Variants in GNG4 observed in about 807,000 individuals in gnomAD.
GNG4 encodes the protein G protein subunit gamma 4, also known as guanine nucleotide-binding protein G(I)/G(S)/G(O) subunit gamma-4.
A neutral mutation model predicts 5.8 loss-of-function variants in GNG4; 4 were observed. The observed-to-expected ratio is 0.69, with a 90% confidence interval of 0.34 to 1.57. The LOEUF (loss-of-function observed/expected upper bound fraction) is 1.57, where lower values mean the gene tolerates loss of function less well. Among genes scored for constraint, GNG4 ranks in the 40% most tolerant of loss-of-function variants. GNG4 has a pLI of 0.06. For synonymous variants in GNG4, 29 were observed against 32.9 expected, an observed-to-expected ratio of 0.88 and a Z score of 0.41; for missense variants, 96 against 95.1, an observed-to-expected ratio of 1.01 and a Z score of -0.04.
intron 1 of GNG4, among the ~76,000 whole-genome samples, chr1:235,632,569 T>C (rs1688954458): frequency 6.6e-6 from 1 of 152,262 alleles, no homozygotes; most frequent in South Asian, 2.1e-4. Context: ...GGAGACTTGC[T>C]TTTAATCCTA....
rs2102992997 is a variant in GNG4, at chr1:235,648,560, C to G, written c.-123+1102G>C. ...GGAGTTGCGGGAGGAATCGAGAAGC[C>G]GGCCGCAGAGCCCAGGTCCCCCATG... On this transcript the variant is annotated intron_variant, in intron 1 of 3. Coordinates refer to ENST00000391854, the MANE Select transcript of GNG4 (RefSeq NM_001098722.2). This position sits in a 1 kb window ranked among gnomAD's most constrained non-coding sequence, Gnocchi z 5.0. Among the ~76,000 whole-genome samples the G allele has an allele frequency of 6.6e-6, 1 of 152,344 alleles. No individual in the cohort carries two copies. Among genetic ancestry groups the G allele is most frequent in the South Asian group, 2.1e-4 (1 of 4,832 alleles).
intron 1 of GNG4, among the ~76,000 whole-genome samples, chr1:235,603,668 T>G (rs1161311486): frequency 6.6e-6 from 1 of 152,200 alleles, no homozygotes; most frequent in Non-Finnish European, 1.5e-5. Flanking sequence ...CCCGATAGCA[T>G]CCAGCTGGTC....
chr1:235,630,451 T>C (rs763857889), intron 1 of GNG4, among the ~76,000 whole-genome samples: 1 of 152,220 alleles, frequency 6.6e-6, no homozygotes, highest in African/African-American at 2.4e-5. Flanking sequence ...TCATCACTTA[T>C]CAGATGCCGT....
At chr1:235,574,763 T>G (rs1687433436) in intron 3 of GNG4, among the ~76,000 whole-genome samples, 1 of 152,166 alleles carries the variant, frequency 6.6e-6, no homozygotes, top group African/African-American at 2.4e-5. Context: ...TCTCTACATT[T>G]TTCTTAGTTT....
chr1:235,642,470 C>T lies in GNG4; in HGVS notation c.-123+7192G>A, dbSNP rs1408663155. 1.3e-5 allele frequency among the ~76,000 whole-genome samples: 2 copies of T among 152,170 alleles called. No homozygotes were observed. Among genetic ancestry groups the T allele is most frequent in the Non-Finnish European group, 2.9e-5 (2 of 68,032 alleles). ...GGTGCTAACAGCGTCCGAGCCAATC[C>T]GTAAGCATCAGAGGGACAAAGAAAT... is the stretch of plus-strand genomic sequence containing the variant. On this transcript the variant is annotated intron_variant, in intron 1 of 3. Coordinates refer to ENST00000391854, the MANE Select transcript of GNG4 (RefSeq NM_001098722.2). This position sits in a 1 kb window ranked among gnomAD's most constrained non-coding sequence, Gnocchi z 4.3.
At chr1:235,565,483 T>A (rs942852953) in intron 3 of GNG4, among the ~76,000 whole-genome samples, 13 of 152,070 alleles carry the variant, frequency 8.5e-5, no homozygotes, top group African/African-American at 3.1e-4. Context: ...TAGCCTGGGC[T>A]TGTGACAGAG....
At chr1:235,631,193 C>G (rs60249688) in intron 1 of GNG4, among the ~76,000 whole-genome samples, 6,824 of 152,220 alleles carry the variant, frequency 0.045, 496 homozygotes, top group African/African-American at 0.16. Flanking sequence ...GCCACTGTGC[C>G]CAGCTGAGAC....
intron 1 of GNG4, among the ~76,000 whole-genome samples, chr1:235,628,125 G>A (rs4587554): frequency 0.1 from 15,205 of 152,098 alleles, 2,486 homozygotes; most frequent in African/African-American, 0.34. Context: ...GGTTGCAGTG[G>A]GCTGAGATTG....
intron 3 of GNG4, among the ~76,000 whole-genome samples, chr1:235,552,615 G>C (rs886619859): frequency 6.6e-6 from 1 of 152,198 alleles, no homozygotes; most frequent in Non-Finnish European, 1.5e-5. Context: ...CCCTGGCCAA[G>C]CCAGTGTGAT....
At chr1:235,553,388 C>T (rs565928159) in intron 3 of GNG4, among the ~76,000 whole-genome samples, 3 of 152,192 alleles carry the variant, frequency 2.0e-5, no homozygotes, top group Non-Finnish European at 4.4e-5. Context: ...TAGCGGATTA[C>T]AGGCAGGGGT....
chr1:235,586,645 T>G (rs144613789), intron 2 of GNG4, among the ~76,000 whole-genome samples: 1,671 of 152,240 alleles, frequency 0.011, 37 homozygotes, highest in African/African-American at 0.039. Context: ...TGAAAGTCAC[T>G]CTGAGTTCAT....
chr1:235,587,606 TGGG>T (rs1558486360), intron 2 of GNG4, among the ~76,000 whole-genome samples: 2 of 392 alleles, frequency 5.1e-3, no homozygotes, highest in Non-Finnish European at 0.011. Flanking sequence ...TGGGAGGGCA[TGGG>T]GTGGGGTGTG....
intron 3 of GNG4, among the ~76,000 whole-genome samples, chr1:235,561,372 C>T (rs950857185): frequency 6.6e-6 from 1 of 151,978 alleles, no homozygotes; most frequent in Middle Eastern, 3.2e-3. Flanking sequence ...GGTTCTCTCT[C>T]TCTTGCTCTC....
intron 2 of GNG4, among the ~76,000 whole-genome samples, chr1:235,591,114 CTCT>C (rs533073950): frequency 3.0e-4 from 46 of 152,242 alleles, no homozygotes; most frequent in African/African-American, 9.6e-4. Context: ...GGTTCCAATC[CTCT>C]TATTTTTCAG....
At chr1:235,598,435 C>T (rs1688177565) in intron 1 of GNG4, among the ~76,000 whole-genome samples, 2 of 151,966 alleles carry the variant, frequency 1.3e-5, no homozygotes, top group South Asian at 2.1e-4. Context: ...ACAGTAAGAC[C>T]CCATCTCTAC....
intron 1 of GNG4, among the ~76,000 whole-genome samples, chr1:235,618,519 A>G (rs545503468): frequency 5.9e-5 from 9 of 152,130 alleles, no homozygotes; most frequent in African/African-American, 1.7e-4. Flanking sequence ...TCTTTAGCCA[A>G]TTTGGGAAGC....
chr1:235,602,207 G>T (rs1688270541), intron 1 of GNG4, among the ~76,000 whole-genome samples: 1 of 152,144 alleles, frequency 6.6e-6, no homozygotes, highest in African/African-American at 2.4e-5. Flanking sequence ...AGGAGGCGGA[G>T]GTTGCAGTGA....
Position 235,597,605 on chromosome 1 carries a change from T to C in GNG4, c.-122-2094A>G, listed in dbSNP as rs1355065529. On this transcript the variant is annotated intron_variant, in intron 1 of 3. Coordinates refer to ENST00000391854, the MANE Select transcript of GNG4 (RefSeq NM_001098722.2). ...CTTGTTTGCTGTGTGTGTGTGTGTG[T>C]GTGTGTGTGTGTGTGTGTGTGTGTA... Among the ~76,000 whole-genome samples the C allele has an allele frequency of 3.1e-3, 340 of 108,018 alleles. 4 individuals are homozygous for C. Among genetic ancestry groups the C allele is most frequent in the Non-Finnish European group, 5.7e-3 (269 of 47,402 alleles). 70.9% of individuals were successfully genotyped at this position (108,018 alleles called of 152,430 possible).
intron 1 of GNG4, among the ~76,000 whole-genome samples, chr1:235,608,684 TTTA>T (rs1415123134): frequency 1.6e-5 from 2 of 122,004 alleles, no homozygotes; most frequent in African/African-American, 9.1e-5. Context: ...TTTTTTATTT[TTTA>T]TTTTTTTTTT....
Sources: gnomAD v4.1 joint callset for allele counts (sites outside exome capture counted in the v4.1 genomes callset) on GRCh38, gnomAD v4.1.1 for gene constraint, Gnocchi (gnomAD v3.1) non-coding constraint, MANE v1.5 for transcripts, NCBI Gene and HGNC (gene_info 2026-07-23, HGNC 2026-07-21) for gene names.